The following OXCT1 variants were observed in gnomAD, a reference collection of about 807,000 sequenced individuals.
OXCT1 encodes 3-oxoacid CoA-transferase 1.
A neutral mutation model predicts 69.6 loss-of-function variants in OXCT1; 27 were observed. The ratio of observed to expected loss-of-function variants is 0.39; its 90% CI spans 0.29 to 0.54. The LOEUF is 0.54. Ranked by LOEUF, OXCT1 falls within the 20% of genes least tolerant of loss-of-function variation. The probability of loss-of-function intolerance (pLI) is 0.72; values close to 1 mark genes in which losing one functional copy is unlikely to be tolerated. For missense variants in OXCT1, 437 were observed against 650.2 expected (o/e 0.67, Z 3.57); for synonymous variants, 202 against 217.8 (o/e 0.93, Z 0.64).
intron 14 of OXCT1, among the ~76,000 whole-genome samples, chr5:41,752,879 T>C (rs140855525): frequency 6.6e-6 from 1 of 152,242 alleles, no homozygotes; most frequent in African/African-American, 2.4e-5. Flanking sequence ...TTCCCTAATC[T>C]TTCTCTTTCT....
chr5:41,806,866 A>G (rs1359915537), intron 8 of OXCT1, among the ~76,000 whole-genome samples: 2 of 152,040 alleles, frequency 1.3e-5, no homozygotes, highest in African/African-American at 2.4e-5. Context: ...CCTTGCCACA[A>G]TCTCATACTC....
chr5:41,780,859 A>T (rs2112177691), intron 13 of OXCT1, among the ~76,000 whole-genome samples: 1 of 151,826 alleles, frequency 6.6e-6, no homozygotes, highest in East Asian at 1.9e-4. Flanking sequence ...AAACCAAAAT[A>T]TTTCATGTTT....
chr5:41,789,812 A>G lies in OXCT1; in HGVS notation c.1248+4191T>C, dbSNP rs115401907. Among the ~76,000 whole-genome samples the G allele has an allele frequency of 6.4e-3, 981 of 152,332 alleles. 9 individuals are homozygous for G. Among genetic ancestry groups the G allele is most frequent in the Middle Eastern group, 0.027 (8 of 294 alleles). Reference sequence around the variant, plus strand: ...TATGTCATAATATATTTAAATATCTATATTTTGGACTAACATTTGGATTAC... The same window carrying G: ...TATGTCATAATATATTTAAATATCTGTATTTTGGACTAACATTTGGATTAC... On this transcript the variant is annotated intron_variant, in intron 13 of 16. Transcript: ENST00000196371.
intron 7 of OXCT1, among the ~76,000 whole-genome samples, chr5:41,809,777 C>T (rs1016321692): frequency 6.6e-6 from 1 of 151,994 alleles, no homozygotes; most frequent in Non-Finnish European, 1.5e-5. Context: ...TTACCAAGGA[C>T]AATTATATCA....
chr5:41,788,838 G>T (rs1238883965), intron 13 of OXCT1, among the ~76,000 whole-genome samples: 1 of 152,162 alleles, frequency 6.6e-6, no homozygotes, highest in Non-Finnish European at 1.5e-5. Context: ...ATATTCAAGT[G>T]CAAATGGAAC....
rs751374167 is a variant in OXCT1 at position 41,749,493 on chromosome 5, A to G, written c.1419+34T>C. 1.2e-5 allele frequency: 17 copies of G among 1,392,782 alleles called. No homozygotes were observed. The African/African-American group carries it at 1.8e-4, about 15-fold the overall frequency. The allele number at this position is 1,392,782 out of a possible 1,614,324, so 86.3% of individuals were successfully genotyped here. On this transcript the variant is annotated intron_variant, in intron 15 of 16. Coordinates refer to ENST00000196371, the MANE Select transcript of OXCT1 (RefSeq NM_000436.4). The stretch of plus-strand genomic sequence containing the variant: ...CAAAACTTTCTAAAAATGCTTACTT[A>G]AAACATGGTAATAGTAGAAAAAGCA...
intron 15 of OXCT1, among the ~76,000 whole-genome samples, chr5:41,748,949 C>T (rs1242056420): frequency 1.3e-5 from 2 of 152,050 alleles, no homozygotes; most frequent in Non-Finnish European, 2.9e-5. Flanking sequence ...GGTGATGCTT[C>T]TCTGGTCTGA....
intron 5 of OXCT1, among the ~76,000 whole-genome samples, chr5:41,848,878 G>A (rs1340105698): frequency 1.3e-5 from 2 of 152,120 alleles, no homozygotes; most frequent in African/African-American, 4.8e-5. Flanking sequence ...GCATGGGCAA[G>A]GACTTCATGT....
chr5:41,851,584 C>T (rs1184763537), intron 4 of OXCT1, among the ~76,000 whole-genome samples: 1 of 152,070 alleles, frequency 6.6e-6, no homozygotes, highest in Non-Finnish European at 1.5e-5. Context: ...CAAAGAACTC[C>T]TGATCCCCAC....
rs1748576958 is a variant in OXCT1 at position 41,840,527 on chromosome 5, A to C, written c.672-16T>G. On this transcript the variant is annotated splice_polypyrimidine_tract_variant and intron_variant, in intron 6 of 16. Coordinates refer to ENST00000196371, the MANE Select transcript of OXCT1 (RefSeq NM_000436.4). ...TGCACTTTTCCTACAGGGGTGGAGG[A>C]GATAAGAAAGTGGGGGGGAAAAGAC... is the stretch of plus-strand genomic sequence containing the variant. 1.9e-6 allele frequency: 3 copies of C among 1,595,772 alleles called. No individual in the cohort carries two copies. The highest frequency in any genetic ancestry group is 2.6e-6 in the Non-Finnish European group (3 of 1,165,380).
chr5:41,769,560 C>CA (rs1011999912), intron 13 of OXCT1, among the ~76,000 whole-genome samples: 1,392 of 92,350 alleles, frequency 0.015, 16 homozygotes, highest in African/African-American at 0.029. Flanking sequence ...CTATCTCTAC[C>CA]AAAAAAAAAA....
chr5:41,845,653 A>G (rs1409548369), intron 5 of OXCT1, among the ~76,000 whole-genome samples: 1 of 152,178 alleles, frequency 6.6e-6, no homozygotes, highest in African/African-American at 2.4e-5. Flanking sequence ...TACGAGTTTG[A>G]GGCACCTGAT....
At chr5:41,860,965 T>C (rs984864109) in intron 3 of OXCT1, among the ~76,000 whole-genome samples, 2 of 152,092 alleles carry the variant, frequency 1.3e-5, no homozygotes, top group Non-Finnish European at 2.9e-5. Flanking sequence ...ATAAATAACA[T>C]AAAACAATAC....
chr5:41,845,860 A>G (rs1484243161), intron 5 of OXCT1, among the ~76,000 whole-genome samples: 1 of 152,156 alleles, frequency 6.6e-6, no homozygotes, highest in Non-Finnish European at 1.5e-5. Context: ...TTATTTAGAC[A>G]GTAAAGGAAA....
At chr5:41,785,519 G>T (rs920868509) in intron 13 of OXCT1, among the ~76,000 whole-genome samples, 2 of 152,162 alleles carry the variant, frequency 1.3e-5, no homozygotes, top group African/African-American at 4.8e-5. Flanking sequence ...AGTATTATAA[G>T]ATTTATATCA....
At chr5:41,757,085 T>C (rs759794745) in intron 14 of OXCT1, among the ~76,000 whole-genome samples, 8 of 152,014 alleles carry the variant, frequency 5.3e-5, no homozygotes, top group African/African-American at 9.7e-5. Flanking sequence ...TGAGCTGCCA[T>C]TGAGGGTTTT....
chr5:41,858,391 C>T (rs1749551085), intron 3 of OXCT1, among the ~76,000 whole-genome samples: 1 of 152,120 alleles, frequency 6.6e-6, no homozygotes, highest in African/African-American at 2.4e-5. Context: ...CATATCATTT[C>T]TAATAGAGAC....
intron 4 of OXCT1, 78 bp downstream of exon 4, chr5:41,853,341 G>T: frequency 3.7e-6 from 5 of 1,363,328 alleles, no homozygotes; most frequent in East Asian, 2.3e-5. Flanking sequence ...TACCTCTTTT[G>T]CACAAAGAAA....
At chr5:41,831,692 G>A (rs1156669604) in intron 7 of OXCT1, among the ~76,000 whole-genome samples, 1 of 152,256 alleles carries the variant, frequency 6.6e-6, no homozygotes, top group African/African-American at 2.4e-5. Flanking sequence ...GGAGGGAGAA[G>A]GCAAAGAGAT....
Sources: gnomAD v4.1 joint callset for allele counts (sites outside exome capture counted in the v4.1 genomes callset) on GRCh38, gnomAD v4.1.1 for gene constraint, MANE v1.5 for transcripts, NCBI Gene and HGNC (gene_info 2026-07-23, HGNC 2026-07-21) for gene names.